SLC14A2: variants seen among roughly 807,000 people sequenced by gnomAD.
SLC14A2 encodes urea transporter 2.
A neutral mutation model predicts 104.6 loss-of-function variants in SLC14A2; 91 were observed. The ratio of observed to expected loss-of-function variants is 0.87; its 90% CI spans 0.73 to 1.04. SLC14A2 has a LOEUF of 1.04. SLC14A2 is among the 50% of genes least tolerant of loss of function. SLC14A2 has a pLI of 0.00. For synonymous variants in SLC14A2, 476 were observed against 466.4 expected (o/e 1.02, Z -0.27); for missense variants, 1,189 against 1,156.0 (o/e 1.03, Z -0.41).
intron 19 of SLC14A2, 127 bp from the exon 20 acceptor site, chr18:45,682,192 T>G: frequency 1.3e-6 from 1 of 782,526 alleles, no homozygotes. Flanking sequence ...ATATTGGTCA[T>G]CAATGAAGTA....
chr18:45,293,260 G>A (rs1450585313), intron 1 of SLC14A2, among the ~76,000 whole-genome samples: 1 of 152,092 alleles, frequency 6.6e-6, no homozygotes, highest in Non-Finnish European at 1.5e-5. Flanking sequence ...TAAGTCTGGT[G>A]TTATTTCATT....
intron 1 of SLC14A2, among the ~76,000 whole-genome samples, chr18:45,366,866 G>A (rs2085671359): frequency 6.6e-6 from 1 of 152,228 alleles, no homozygotes; most frequent in South Asian, 2.1e-4. Context: ...ATGGAACAGA[G>A]TGTATGCGTA....
intron 1 of SLC14A2, among the ~76,000 whole-genome samples, chr18:45,624,194 A>AGT (rs1347197240): frequency 1.3e-5 from 2 of 152,188 alleles, no homozygotes; most frequent in Non-Finnish European, 2.9e-5. Flanking sequence ...AGTTGTAAGC[A>AGT]ATGTAGCCTC....
intron 1 of SLC14A2, among the ~76,000 whole-genome samples, chr18:45,454,024 T>A (rs1039506466): frequency 6.6e-6 from 1 of 151,994 alleles, no homozygotes; most frequent in Non-Finnish European, 1.5e-5. Context: ...CAGGCCCAGC[T>A]AATTTTTGTA....
the SLC14A2 span, among the ~76,000 whole-genome samples, chr18:45,193,596 C>T: frequency 6.6e-6 from 1 of 152,196 alleles, no homozygotes; most frequent in Non-Finnish European, 1.5e-5. Context: ...GTGACTAGCA[C>T]ACTGTTTTAA....
At chr18:45,339,751 T>C (rs1256657628) in intron 1 of SLC14A2, among the ~76,000 whole-genome samples, 1 of 152,212 alleles carries the variant, frequency 6.6e-6, no homozygotes, top group Non-Finnish European at 1.5e-5. Flanking sequence ...AGATTGGTGA[T>C]GCATTGGATT....
At chr18:45,262,111 G>A (rs2084545287) in intron 1 of SLC14A2, among the ~76,000 whole-genome samples, 1 of 152,216 alleles carries the variant, frequency 6.6e-6, no homozygotes, top group African/African-American at 2.4e-5. Flanking sequence ...TAACTGATGT[G>A]AGATGGTATC....
intron 2 of SLC14A2, among the ~76,000 whole-genome samples, chr18:45,603,813 G>C (rs1181703468): frequency 6.6e-6 from 1 of 152,178 alleles, no homozygotes; most frequent in African/African-American, 2.4e-5. Flanking sequence ...TACCTGAAGT[G>C]GTCTGTGCTT....
At chr18:45,531,869 C>A (rs967835058) in intron 2 of SLC14A2, among the ~76,000 whole-genome samples, 14 of 152,066 alleles carry the variant, frequency 9.2e-5, no homozygotes, top group African/African-American at 1.4e-4. Flanking sequence ...TCTTGAATTA[C>A]TTTTTGTATA....
At chr18:45,312,980 G>A (rs1383950192) in intron 1 of SLC14A2, among the ~76,000 whole-genome samples, 2 of 152,172 alleles carry the variant, frequency 1.3e-5, no homozygotes, top group African/African-American at 2.4e-5. Context: ...GACATACATG[G>A]TGCACACCCT....
At chr18:45,556,514 G>C (rs1392264161) in intron 2 of SLC14A2, among the ~76,000 whole-genome samples, 1 of 152,140 alleles carries the variant, frequency 6.6e-6, no homozygotes, top group Non-Finnish European at 1.5e-5. Flanking sequence ...GGAGGTCTGG[G>C]TTCTCGGCCT....
chr18:45,457,456 A>G (rs574709019), intron 1 of SLC14A2, among the ~76,000 whole-genome samples: 10 of 152,302 alleles, frequency 6.6e-5, no homozygotes, highest in Non-Finnish European at 1.2e-4. Context: ...CCATTTCCCC[A>G]TGGAGCCTCA....
chr18:45,305,081 G>A (rs1233178295), intron 1 of SLC14A2, among the ~76,000 whole-genome samples: 1 of 152,202 alleles, frequency 6.6e-6, no homozygotes, highest in Non-Finnish European at 1.5e-5. Context: ...TGTGACCTGG[G>A]TTGGGAAAGT....
At chr18:45,379,487 C>T (rs753434496) in intron 1 of SLC14A2, among the ~76,000 whole-genome samples, 4 of 152,174 alleles carry the variant, frequency 2.6e-5, no homozygotes, top group Admixed American at 6.5e-5. Context: ...ATTCCTCCTT[C>T]GACCTGGTTT....
chr18:45,235,899 G>GTATATATACATATGTGTATA (rs2084226451), intron 1 of SLC14A2, among the ~76,000 whole-genome samples: 1 of 62,908 alleles, frequency 1.6e-5, no homozygotes, highest in African/African-American at 8.6e-5. Context: ...ATGTGTGTAT[G>GTATATATACATATGTGTATA]TATGTATATA....
At chr18:45,511,753 G>T (rs2043368535) in intron 2 of SLC14A2, among the ~76,000 whole-genome samples, 1 of 152,202 alleles carries the variant, frequency 6.6e-6, no homozygotes, top group Non-Finnish European at 1.5e-5. Context: ...ACCCATAGGA[G>T]TTCTTCCATT....
intron 1 of SLC14A2, among the ~76,000 whole-genome samples, chr18:45,255,191 A>G (rs2084464227): frequency 6.6e-6 from 1 of 151,890 alleles, no homozygotes; most frequent in Non-Finnish European, 1.5e-5. Flanking sequence ...CTGCATTTAT[A>G]TCCACCCAGA....
At chr18:45,284,270 T>C (rs1448496708) in intron 1 of SLC14A2, among the ~76,000 whole-genome samples, 1 of 152,196 alleles carries the variant, frequency 6.6e-6, no homozygotes, top group Non-Finnish European at 1.5e-5. Context: ...TTGCTTTGTA[T>C]GACATGGGGG....
chr18:45,628,086 GCCGTATATTTTT>G (rs2045289484), intron 4 of SLC14A2, among the ~76,000 whole-genome samples: 1 of 151,666 alleles, frequency 6.6e-6, no homozygotes, highest in African/African-American at 2.4e-5. Flanking sequence ...CTGAGACTTT[GCCGTATATTTTT>G]CCAGTGGCTC....
Sources: gnomAD v4.1 joint callset for allele counts (sites outside exome capture counted in the v4.1 genomes callset) on GRCh38, gnomAD v4.1.1 for gene constraint, MANE v1.5 for transcripts, NCBI Gene and HGNC (gene_info 2026-07-23, HGNC 2026-07-21) for gene names.